Variants in CAMTA1 observed in about 807,000 individuals in gnomAD.
CAMTA1 encodes the protein calmodulin binding transcription activator 1.
CAMTA1 carries 27 observed loss-of-function variants against 170.9 expected under a neutral mutation model. The ratio of observed to expected loss-of-function variants is 0.16; its 90% confidence interval spans 0.12 to 0.22. CAMTA1 has a LOEUF of 0.22. Ranked by LOEUF, CAMTA1 falls within the 10% of genes least tolerant of loss-of-function variation. CAMTA1 has a pLI of 1.00. For missense variants in CAMTA1, 1,619 were observed against 2,217.2 expected, an observed-to-expected ratio of 0.73 and a Z score of 5.42; for synonymous variants, 833 against 891.5, an observed-to-expected ratio of 0.93 and a Z score of 1.17.
At position 7,542,777 on chromosome 1, in the gene CAMTA1, G is replaced by A. The variant is rs150061368; in HGVS notation, c.510+74876G>A. On this transcript the variant is annotated intron_variant, in intron 6 of 22. Transcript: ENST00000303635. ...CTCCTGGCCTCAAGTGAATCTGCCC[G>A]CCTTGACCCCTCAAAGTGCTAGGAT... Among the ~76,000 whole-genome samples the A allele has an allele frequency of 4.4e-4, 67 of 151,816 alleles. 1 individual carries two copies. Among genetic ancestry groups the A allele is most frequent in the African/African-American group, 1.5e-3 (61 of 41,418 alleles).
chr1:6,946,282 C>T (rs1687566449), intron 3 of CAMTA1, among the ~76,000 whole-genome samples: 1 of 151,558 alleles, frequency 6.6e-6, no homozygotes, highest in Non-Finnish European at 1.5e-5. Context: ...AGCCTAAATA[C>T]CTGGGCTCAA....
intron 5 of CAMTA1, among the ~76,000 whole-genome samples, chr1:7,351,240 C>T (rs2084646805): frequency 6.6e-6 from 1 of 152,232 alleles, no homozygotes; most frequent in Non-Finnish European, 1.5e-5. Flanking sequence ...CTGAGGAATG[C>T]CTTTCATCCG....
chr1:6,939,861 C>A (rs1686128339), intron 3 of CAMTA1, among the ~76,000 whole-genome samples: 1 of 152,262 alleles, frequency 6.6e-6, no homozygotes, highest in Non-Finnish European at 1.5e-5. Flanking sequence ...AGAGCAGGCA[C>A]CTTCTCTGTT....
chr1:7,223,329 TGTGA>T (rs1279872445), intron 4 of CAMTA1, among the ~76,000 whole-genome samples: 2 of 151,972 alleles, frequency 1.3e-5, no homozygotes, highest in East Asian at 1.9e-4. Context: ...TGCATGTGCG[TGTGA>T]GTATGTGTAT....
chr1:7,042,483 G>A (rs1031344199), intron 3 of CAMTA1, among the ~76,000 whole-genome samples: 3 of 152,220 alleles, frequency 2.0e-5, no homozygotes, highest in African/African-American at 4.8e-5. Flanking sequence ...CGCTGAGATC[G>A]CAAGCCTTCC....
chr1:7,576,775 C>T (rs533969045), intron 6 of CAMTA1, among the ~76,000 whole-genome samples: 1 of 152,168 alleles, frequency 6.6e-6, no homozygotes, highest in African/African-American at 2.4e-5. Context: ...AGGGAGCCAG[C>T]AACCATCCTT....
rs1659755238 is a variant in CAMTA1, at chr1:7,216,416, C to G, written c.303-33075C>G. Among the ~76,000 whole-genome samples the G allele has an allele frequency of 6.6e-6, 1 of 152,148 alleles. No individual in the cohort carries two copies. The highest frequency in any genetic ancestry group is 1.5e-5 in the Non-Finnish European group (1 of 68,018). On this transcript the variant is annotated intron_variant, in intron 4 of 22. Transcript: ENST00000303635. The surrounding 1 kb of genome is among the most constrained non-coding windows in gnomAD (Gnocchi z 4.0). ...GTGTCCTTACTTATTTTTTGTCTAT[C>G]TGGTTTCTCTTGTACTGACAGCGGT...
At chr1:7,711,033 A>G (rs2096567064) in intron 11 of CAMTA1, among the ~76,000 whole-genome samples, 1 of 152,162 alleles carries the variant, frequency 6.6e-6, no homozygotes, top group Admixed American at 6.5e-5. Context: ...TCCTTAGTTC[A>G]GGCTGCTCTA....
At chr1:7,272,875 A>G (rs977308694) in intron 5 of CAMTA1, among the ~76,000 whole-genome samples, 2 of 152,136 alleles carry the variant, frequency 1.3e-5, no homozygotes, top group Admixed American at 6.5e-5. Context: ...AATGATTTCA[A>G]TGTTTAACAT....
chr1:6,841,545 G>A (rs1418498021), intron 3 of CAMTA1, among the ~76,000 whole-genome samples: 1 of 152,092 alleles, frequency 6.6e-6, no homozygotes, highest in Non-Finnish European at 1.5e-5. Context: ...GTGAGGACGT[G>A]GAGGCTACAC....
intron 22 of CAMTA1, among the ~76,000 whole-genome samples, chr1:7,758,153 T>C (rs772455461): frequency 3.9e-5 from 6 of 152,238 alleles, no homozygotes; most frequent in East Asian, 1.9e-4. Flanking sequence ...TAATATCACC[T>C]GCTGCAAGGA....
At chr1:7,337,875 T>C (rs1472136729) in intron 5 of CAMTA1, among the ~76,000 whole-genome samples, 1 of 152,126 alleles carries the variant, frequency 6.6e-6, no homozygotes, top group East Asian at 1.9e-4. Flanking sequence ...CTTACCCGAA[T>C]TTCCAGCCCG....
At chr1:7,109,463 A>G (rs1643885225) in intron 4 of CAMTA1, among the ~76,000 whole-genome samples, 1 of 152,164 alleles carries the variant, frequency 6.6e-6, no homozygotes, top group Non-Finnish European at 1.5e-5. Context: ...ACAATGGCTG[A>G]ATTGGATTCA....
chr1:7,056,690 C>T (rs1387444137), intron 3 of CAMTA1, among the ~76,000 whole-genome samples: 1 of 151,934 alleles, frequency 6.6e-6, no homozygotes, highest in Non-Finnish European at 1.5e-5. Flanking sequence ...CGAGGGACTC[C>T]CAGAGCCCAC....
At chr1:6,881,010 A>G (rs868488256) in intron 3 of CAMTA1, among the ~76,000 whole-genome samples, 5 of 152,194 alleles carry the variant, frequency 3.3e-5, no homozygotes, top group Non-Finnish European at 7.3e-5. Context: ...CACTCTTCAG[A>G]ATACTGAGGA....
intron 5 of CAMTA1, among the ~76,000 whole-genome samples, chr1:7,342,302 G>T (rs2083893620): frequency 6.6e-6 from 1 of 152,124 alleles, no homozygotes; most frequent in Admixed American, 6.5e-5. Flanking sequence ...GGGCTTCCTG[G>T]ATTGAGAGGC....
At chr1:7,678,304 T>C (rs1287009584) in intron 11 of CAMTA1, among the ~76,000 whole-genome samples, 2 of 152,184 alleles carry the variant, frequency 1.3e-5, no homozygotes, top group African/African-American at 4.8e-5. Context: ...CTCCAGCTTC[T>C]TGGCTGATTT....
intron 3 of CAMTA1, among the ~76,000 whole-genome samples, chr1:6,976,183 G>A (rs1023858572): frequency 5.3e-5 from 8 of 152,212 alleles, no homozygotes; most frequent in African/African-American, 1.9e-4. Context: ...CAGAGGCCCC[G>A]CTGAGTCTTT....
chr1:7,628,229 C>A (rs191007180), intron 6 of CAMTA1, among the ~76,000 whole-genome samples: 5 of 152,178 alleles, frequency 3.3e-5, no homozygotes, highest in Non-Finnish European at 5.9e-5. Context: ...ATTTCATTCT[C>A]CCAGGTTCGA....
Sources: allele counts gnomAD v4.1 joint callset (sites outside exome capture counted in the v4.1 genomes callset), GRCh38; gene constraint gnomAD v4.1.1; non-coding constraint Gnocchi (gnomAD v3.1); transcripts MANE v1.5; gene names NCBI Gene and HGNC (gene_info 2026-07-23, HGNC 2026-07-21).